The following MACROD1 variants were observed in gnomAD, a reference collection of about 807,000 sequenced individuals.
The protein encoded by MACROD1 is mono-ADP ribosylhydrolase 1.
Under a neutral mutation model 41.4 loss-of-function variants are expected in MACROD1, and 31 were observed. That is an observed-to-expected ratio of 0.75 (90% CI 0.56 to 1.01). MACROD1 has a LOEUF of 1.01. Among genes scored for constraint, MACROD1 ranks in the 50% least tolerant of loss-of-function variants. The pLI is 0.00. For synonymous variants in MACROD1, 252 were observed against 203.4 expected, an observed-to-expected ratio of 1.24 and a Z score of -2.03; for missense variants, 473 against 460.0, an observed-to-expected ratio of 1.03 and a Z score of -0.26.
intron 3 of MACROD1, among the ~76,000 whole-genome samples, chr11:64,132,338 G>C (rs1165198689): frequency 2.0e-5 from 3 of 151,640 alleles, no homozygotes; most frequent in Non-Finnish European, 4.4e-5. Context: ...GGAAGACCAA[G>C]GGGAATCTTC....
chr11:64,022,243 C>T (rs1025566830), intron 3 of MACROD1, among the ~76,000 whole-genome samples: 1 of 152,032 alleles, frequency 6.6e-6, no homozygotes, highest in Non-Finnish European at 1.5e-5. Context: ...GCAGGAGGGG[C>T]CTCCTGGCTA....
intron 9 of MACROD1, 21 bp downstream of exon 9, chr11:63,998,934 G>A (rs1314256352): frequency 1.3e-6 from 2 of 1,560,662 alleles, no homozygotes; most frequent in East Asian, 2.3e-5. Flanking sequence ...GGCGGGCCGT[G>A]GGGCGGCGCG....
chr11:64,109,950 G>T (rs1299396863), intron 3 of MACROD1, among the ~76,000 whole-genome samples: 1 of 152,132 alleles, frequency 6.6e-6, no homozygotes, highest in African/African-American at 2.4e-5. Context: ...CAGAAGCTAG[G>T]CCGTGTGTCT....
intron 3 of MACROD1, among the ~76,000 whole-genome samples, chr11:64,125,521 G>T (rs563372765): frequency 3.3e-5 from 5 of 152,220 alleles, no homozygotes; most frequent in Non-Finnish European, 5.9e-5. Flanking sequence ...GATGGCCCAG[G>T]CACGAGTGTT....
chr11:64,139,248 T>G (rs1348275215), intron 3 of MACROD1, among the ~76,000 whole-genome samples: 1 of 152,144 alleles, frequency 6.6e-6, no homozygotes, highest in Non-Finnish European at 1.5e-5. Flanking sequence ...TCCTGCATCC[T>G]CCCGTCCTCC....
Position 64,036,481 on chromosome 11 carries a change from G to A in MACROD1, c.518-21200C>T, listed in dbSNP as rs185895897. Among the ~76,000 whole-genome samples, 6 of 152,170 alleles carry A rather than the reference G, an allele frequency of 3.9e-5. No individual in the cohort carries two copies. The highest frequency in any genetic ancestry group is 2.1e-4 in the South Asian group (1 of 4,832). ...AGCTGGAGCTCTAGTCCAAGCCCTC[G>A]CTGCACCCCCCAGGGAGGGGGCCTG... On this transcript the variant is annotated intron_variant, in intron 3 of 10. Coordinates refer to ENST00000255681, the MANE Select transcript of MACROD1 (RefSeq NM_014067.4). The surrounding 1 kb of genome is among the most constrained non-coding windows in gnomAD (Gnocchi z 5.6).
intron 3 of MACROD1, among the ~76,000 whole-genome samples, chr11:64,075,171 C>A (rs1000111039): frequency 6.6e-6 from 1 of 152,198 alleles, no homozygotes; most frequent in Non-Finnish European, 1.5e-5. Flanking sequence ...CACAGGGCAG[C>A]GCATGAGGGT....
In MACROD1 at chr11:64,036,098, T is replaced by G. The variant is rs966517313; in HGVS notation, c.518-20817A>C. 1.6e-4 allele frequency: 24 copies of G among 151,562 alleles called. No homozygotes were observed. Among genetic ancestry groups the G allele is most frequent in the Middle Eastern group, 3.2e-3 (1 of 314 alleles). The allele number at this position is 151,562 out of a possible 1,614,324, so 9.4% of individuals were successfully genotyped here. A position where few individuals can be genotyped will look rare whatever the true frequency, so the allele number is the denominator to read the frequency against. On this transcript the variant is annotated intron_variant, in intron 3 of 10. Coordinates refer to ENST00000255681, the MANE Select transcript of MACROD1 (RefSeq NM_014067.4). This position sits in a 1 kb window ranked among gnomAD's most constrained non-coding sequence, Gnocchi z 5.6. The stretch of plus-strand genomic sequence containing the variant: ...CCCGCCCGCTCCTTGGAATAACCCC[T>G]GAGGCTCCAGCCGTCACCGCAAAGT...
In MACROD1 at chr11:63,998,865, G is replaced by A. The variant is rs1019569951; in HGVS notation, c.*3C>T. ...GTCCCGGTCAGGGTGGGCTGCGGGA[G>A]CCTCAGGCTGGAAGGCAGAGGACAG... On this transcript the variant is annotated 3_prime_UTR_variant, in exon 10 of 11. Coordinates refer to ENST00000255681, the MANE Select transcript of MACROD1 (RefSeq NM_014067.4). 7 of 1,592,890 alleles carry A rather than the reference G, an allele frequency of 4.4e-6. No individual in the cohort carries two copies. The highest frequency in any genetic ancestry group is 1.1e-5 in the South Asian group (1 of 88,768).
intron 4 of MACROD1, among the ~76,000 whole-genome samples, chr11:64,010,685 GTGTTGGCTGGCA>G (rs1238600572): frequency 2.4e-4 from 36 of 150,568 alleles, no homozygotes; most frequent in Middle Eastern, 3.5e-3. Context: ...GTTGGTTGGG[GTGTTGGCTGGCA>G]TGTTGGCTGG....
intron 3 of MACROD1, among the ~76,000 whole-genome samples, chr11:64,037,178 CCG>C (rs897489990): frequency 6.6e-6 from 1 of 152,190 alleles, no homozygotes; most frequent in Non-Finnish European, 1.5e-5. Context: ...CCCTGCCTCA[CCG>C]CGGCCCCTAC....
At position 64,067,902 on chromosome 11, in the gene MACROD1, G is replaced by A. The variant is rs866835832; in HGVS notation, c.518-52621C>T. ...TGTCCATTTAGCCAGCGGTTCGCTC[G>A]GCTTTTAGGAGGGGGCTGGCGGTGA... On this transcript the variant is annotated intron_variant, in intron 3 of 10. Coordinates refer to ENST00000255681, the MANE Select transcript of MACROD1 (RefSeq NM_014067.4). The surrounding 1 kb of genome is among the most constrained non-coding windows in gnomAD (Gnocchi z 4.6). Among the ~76,000 whole-genome samples, 11 of 152,206 alleles carry A rather than the reference G, an allele frequency of 7.2e-5. No individual in the cohort carries two copies. The highest frequency in any genetic ancestry group is 1.9e-4 in the East Asian group (1 of 5,178).
rs913456934 is a variant in MACROD1 at position 64,096,957 on chromosome 11, G to A, written c.517+54282C>T. Among the ~76,000 whole-genome samples, 3 of 152,228 alleles carry A rather than the reference G, an allele frequency of 2.0e-5. No homozygotes were observed. Among genetic ancestry groups the A allele is most frequent in the Non-Finnish European group, 2.9e-5 (2 of 68,034 alleles). ...TCCCCCGCTCACCCACTCTCTCAGC[G>A]TCTGGGCCCGGGAGTTCCTGCCTAC... On this transcript the variant is annotated intron_variant, in intron 3 of 10. Coordinates refer to ENST00000255681, the MANE Select transcript of MACROD1 (RefSeq NM_014067.4). The surrounding 1 kb of genome is among the most constrained non-coding windows in gnomAD (Gnocchi z 4.6).
intron 3 of MACROD1, among the ~76,000 whole-genome samples, chr11:64,149,226 C>T (rs1186944439): frequency 2.6e-5 from 4 of 152,162 alleles, no homozygotes; most frequent in East Asian, 1.9e-4. Flanking sequence ...CCCCGATTCC[C>T]GCCAGGTGCT....
At chr11:64,009,712 TAA>T (rs944145110) in intron 4 of MACROD1, among the ~76,000 whole-genome samples, 5 of 152,064 alleles carry the variant, frequency 3.3e-5, no homozygotes, top group Non-Finnish European at 5.9e-5. Context: ...CCCTCCAGGT[TAA>T]GTCCCTTTAG....
chr11:64,116,940 C>T (rs145808542), intron 3 of MACROD1: 11 of 1,611,188 alleles, frequency 6.8e-6, no homozygotes, highest in East Asian at 2.2e-5. Context: ...CAACAGCCTG[C>T]GGCGCCTGGT....
At chr11:63,999,237 C>T in intron 8 of MACROD1, 94 bp downstream of exon 8, 3 of 1,475,016 alleles carry the variant, frequency 2.0e-6, no homozygotes, top group Non-Finnish European at 2.7e-6. Flanking sequence ...CGGGCCTGGC[C>T]CTGCGCTCTG....
At chr11:64,084,912 C>G (rs1300388252) in intron 3 of MACROD1, among the ~76,000 whole-genome samples, 1 of 152,232 alleles carries the variant, frequency 6.6e-6, no homozygotes, top group African/African-American at 2.4e-5. Flanking sequence ...TCCCCCTGCT[C>G]CCTCCAGCCA....
chr11:64,142,622 T>C (rs1945429575), intron 3 of MACROD1, among the ~76,000 whole-genome samples: 2 of 152,214 alleles, frequency 1.3e-5, no homozygotes, highest in African/African-American at 2.4e-5. Context: ...CCATCATTTA[T>C]GAATTTATGT....
Sources: allele counts gnomAD v4.1 joint callset (sites outside exome capture counted in the v4.1 genomes callset), GRCh38; gene constraint gnomAD v4.1.1; non-coding constraint Gnocchi (gnomAD v3.1); transcripts MANE v1.5; gene names NCBI Gene and HGNC (gene_info 2026-07-23, HGNC 2026-07-21).